Variants in STK26 observed in about 807,000 individuals in gnomAD.
STK26 encodes serine/threonine-protein kinase 26.
In STK26, 14 loss-of-function variants were observed where a neutral mutation model predicts 34.7. The observed-to-expected ratio is 0.40, with a 90% CI of 0.27 to 0.63. STK26 has a LOEUF of 0.63. STK26 is among the 30% of genes least tolerant of loss of function. The pLI is 0.38. For synonymous variants in STK26, 100 were observed against 109.8 expected, an observed-to-expected ratio of 0.91 and a Z score of 0.56; for missense variants, 226 against 309.1, an observed-to-expected ratio of 0.73 and a Z score of 2.02.
At position 132,071,221 on chromosome X, in the gene STK26, T is replaced by G; in HGVS notation, c.932+4T>G. ...CTGATTCCGAGGGCTCTGATTCGTA[T>G]GTACAAATTATTTAATTTTTATGTA... On this transcript the variant is annotated splice_donor_region_variant and intron_variant, in intron 8 of 11. Coordinates refer to ENST00000394334, the MANE Select transcript of STK26 (RefSeq NM_016542.4). 1 of 1,203,194 alleles carries G rather than the reference T, an allele frequency of 8.3e-7. No individual in the cohort carries two copies.
At chrX:132,034,839 A>C (rs1040543307) in intron 2 of STK26, among the ~76,000 whole-genome samples, 3 of 110,666 alleles carry the variant, frequency 2.7e-5, no homozygotes, top group Non-Finnish European at 5.7e-5. Flanking sequence ...GTGAAAACAC[A>C]GACTACTAAA....
At chrX:132,058,323 G>A (rs1422815896) in intron 3 of STK26, among the ~76,000 whole-genome samples, 1 of 109,655 alleles carries the variant, frequency 9.1e-6, no homozygotes, top group Non-Finnish European at 1.9e-5. Context: ...TTTCTGGACT[G>A]AATCCCGGTA....
intron 2 of STK26, among the ~76,000 whole-genome samples, chrX:132,041,186 T>C (rs1257613227): frequency 1.8e-5 from 2 of 111,354 alleles, no homozygotes; most frequent in Admixed American, 1.9e-4. Context: ...GGCTGCCTAC[T>C]AGCCTGACCA....
intron 2 of STK26, among the ~76,000 whole-genome samples, chrX:132,044,460 G>C (rs1926373359): frequency 9.2e-6 from 1 of 108,851 alleles, no homozygotes; most frequent in Non-Finnish European, 1.9e-5. Context: ...TGAGAAAATG[G>C]CATGAGTCAA....
Position 132,023,562 on chromosome X carries a change from A to C in STK26, c.-56A>C. On this transcript the variant is annotated 5_prime_UTR_variant, in exon 2 of 12. Coordinates refer to ENST00000394334, the MANE Select transcript of STK26 (RefSeq NM_016542.4). ...CGAACTACCCCCGGAGGGAGGAGCC[A>C]GTCCGAACCCAAGGCGCCACCGCCG... 1.2e-5 allele frequency: 14 copies of C among 1,159,880 alleles called. 1 individual carries two copies. The South Asian group carries it at 2.7e-4, about 22-fold the overall frequency.
Position 132,042,896 on chromosome X carries a change from T to C in STK26, c.43-11735T>C, listed in dbSNP as rs191440644. On this transcript the variant is annotated intron_variant, in intron 2 of 11. Transcript: ENST00000394334. ...GTCCTACGATTCCATTGGGTAACTC[T>C]TAATAAATACTATTTGATTAAATTC... Among the ~76,000 whole-genome samples the C allele has an allele frequency of 3.0e-4, 34 of 111,928 alleles. No individual in the cohort carries two copies. The South Asian group carries it at 4.8e-3, about 16-fold the overall frequency.
rs951864268 is a variant in STK26, at chrX:132,023,550, G to A, written c.-68G>A. 5 of 1,145,775 alleles carry A rather than the reference G, an allele frequency of 4.4e-6. No homozygotes were observed. The highest frequency in any genetic ancestry group is 5.9e-6 in the Non-Finnish European group (5 of 853,799). The allele number at this position is 1,145,775 out of a possible 1,213,427, so 94.4% of individuals were successfully genotyped here. ...TGGGAGGGCCGCCGAACTACCCCCG[G>A]AGGGAGGAGCCAGTCCGAACCCAAG... On this transcript the variant is annotated 5_prime_UTR_variant, in exon 2 of 12. Transcript: ENST00000394334.
chrX:132,036,034 T>C (rs1034914414), intron 2 of STK26, among the ~76,000 whole-genome samples: 2 of 111,772 alleles, frequency 1.8e-5, no homozygotes, highest in Admixed American at 1.9e-4. Flanking sequence ...GTCAGATTCA[T>C]ATATTATCGT....
intron 4 of STK26, 26 bp from the exon 5 acceptor site, chrX:132,068,189 T>A (rs781378430): frequency 9.9e-7 from 1 of 1,009,923 alleles, no homozygotes; most frequent in African/African-American, 1.9e-5. Context: ...CATATGTGTA[T>A]GTGTGTGTGT....
At chrX:132,047,203 TA>T (rs1401581491) in intron 2 of STK26, among the ~76,000 whole-genome samples, 1 of 112,164 alleles carries the variant, frequency 8.9e-6, no homozygotes, top group Non-Finnish European at 1.9e-5. Context: ...AAGAATTCCA[TA>T]AAATTTTATC....
At chrX:132,073,566 A>G (rs1314614958) in intron 11 of STK26, among the ~76,000 whole-genome samples, 1 of 111,966 alleles carries the variant, frequency 8.9e-6, no homozygotes, top group Non-Finnish European at 1.9e-5. Flanking sequence ...CTTATGTTCA[A>G]CTTCAGTTTC....
chrX:132,072,667 G>A (rs1927453910), intron 9 of STK26, 146 bp from the exon 10 acceptor site: 2 of 578,344 alleles, frequency 3.5e-6, no homozygotes, highest in Non-Finnish European at 5.5e-6. Context: ...GAGAATGAAT[G>A]ATAGGAAGAA....
chrX:132,053,999 T>G (rs1926773012), intron 2 of STK26, among the ~76,000 whole-genome samples: 1 of 112,207 alleles, frequency 8.9e-6, no homozygotes, highest in Admixed American at 9.5e-5. Context: ...TGTGAAAAGT[T>G]CAATGTGTTA....
intron 2 of STK26, among the ~76,000 whole-genome samples, chrX:132,033,065 A>G (rs1028775786): frequency 4.5e-5 from 5 of 111,093 alleles, no homozygotes; most frequent in Non-Finnish European, 9.4e-5. Context: ...ATATTAAGCT[A>G]GGTTTGACTG....
At chrX:132,058,545 A>T (rs1291386530) in intron 3 of STK26, among the ~76,000 whole-genome samples, 1 of 111,545 alleles carries the variant, frequency 9.0e-6, no homozygotes, top group Admixed American at 9.6e-5. Flanking sequence ...AAAATGAGTG[A>T]CAGCTCTATC....
Position 132,037,769 on chromosome X carries a change from C to CTTTTTTTTTTTTTTTT in STK26, c.42+14118_42+14133dup, listed in dbSNP as rs755403402. Among the ~76,000 whole-genome samples the CTTTTTTTTTTTTTTTT allele has an allele frequency of 1.2e-4, 6 of 51,864 alleles. 1 individual carries two copies. The highest frequency in any genetic ancestry group is 3.5e-4 in the African/African-American group (4 of 11,375). 45.0% of individuals were successfully genotyped at this position (51,864 alleles called of 115,157 possible). On this transcript the variant is annotated intron_variant, in intron 2 of 11. Transcript: ENST00000394334. ...ACAAAGTCTTGTAACCGGAGAGCTG[C>CTTTTTTTTTTTTTTTT]TTTTTTTTTTTTTTTTTTTTTTTAA...
At chrX:132,070,369 A>T (rs774934922) in intron 7 of STK26, among the ~76,000 whole-genome samples, 1 of 112,017 alleles carries the variant, frequency 8.9e-6, no homozygotes, top group Admixed American at 9.5e-5. Flanking sequence ...AGAAACTTCA[A>T]TGTGAAGTTG....
chrX:132,042,071 A>G (rs921321911), intron 2 of STK26, among the ~76,000 whole-genome samples: 7 of 111,566 alleles, frequency 6.3e-5, no homozygotes, highest in Non-Finnish European at 1.1e-4. Flanking sequence ...ATGTCAGCAC[A>G]GATCAATGGG....
chrX:132,028,618 G>T (rs1358013281), intron 2 of STK26, among the ~76,000 whole-genome samples: 1 of 111,694 alleles, frequency 9.0e-6, no homozygotes, highest in Non-Finnish European at 1.9e-5. Flanking sequence ...AGAATATGTG[G>T]AAGTGAGGGC....
Sources: allele counts gnomAD v4.1 joint callset (sites outside exome capture counted in the v4.1 genomes callset), GRCh38; gene constraint gnomAD v4.1.1; transcripts MANE v1.5; gene names NCBI Gene and HGNC (gene_info 2026-07-23, HGNC 2026-07-21).